PLGRKT: variants seen among roughly 807,000 people sequenced by gnomAD.
PLGRKT encodes the protein plasminogen receptor (KT).
PLGRKT carries 22 observed loss-of-function variants against 18.5 expected under a neutral mutation model. The ratio of observed to expected loss-of-function variants is 1.19; its 90% CI spans 0.85 to 1.70. PLGRKT has a LOEUF of 1.70. Among genes scored for constraint, PLGRKT ranks in the 40% most tolerant of loss-of-function variants. The pLI, the probability that PLGRKT is intolerant of heterozygous loss-of-function variation, is 0.00. For missense variants in PLGRKT, 235 were observed against 174.4 expected (o/e 1.35, Z -1.96); for synonymous variants, 72 against 52.8 (o/e 1.36, Z -1.58).
intron 3 of PLGRKT, among the ~76,000 whole-genome samples, chr9:5,385,933 A>C (rs1325591400): frequency 1.3e-5 from 2 of 151,876 alleles, no homozygotes; most frequent in African/African-American, 4.9e-5. Flanking sequence ...GTAAAAGCAC[A>C]GTTATGGGTC....
intron 2 of PLGRKT, among the ~76,000 whole-genome samples, chr9:5,434,828 G>A (rs972934996): frequency 4.6e-5 from 7 of 152,174 alleles, no homozygotes; most frequent in African/African-American, 1.2e-4. Context: ...AAGAGACAGC[G>A]ACCATCGAGA....
Position 5,396,154 on chromosome 9 carries a change from A to G in PLGRKT, c.82-34266T>C, listed in dbSNP as rs530347655. On this transcript the variant is annotated intron_variant, in intron 3 of 5. Transcript: ENST00000223864. ...GGTGATCAGTCCGCCTCAGCCTCAC[A>G]AAGTGCTGGGATTACAGGCATGAAT... is the stretch of plus-strand genomic sequence containing the variant. Among the ~76,000 whole-genome samples the G allele has an allele frequency of 1.1e-4, 16 of 151,852 alleles. No individual in the cohort carries two copies. The East Asian group carries it at 3.1e-3, about 29-fold the overall frequency.
chr9:5,414,014 G>A (rs529976402), intron 3 of PLGRKT, among the ~76,000 whole-genome samples: 5 of 152,280 alleles, frequency 3.3e-5, no homozygotes, highest in African/African-American at 9.6e-5. Context: ...GCTATTAACT[G>A]TACCAAATCA....
intron 3 of PLGRKT, among the ~76,000 whole-genome samples, chr9:5,367,716 C>T (rs1159918476): frequency 4.6e-5 from 7 of 152,036 alleles, no homozygotes; most frequent in East Asian, 1.9e-4. Flanking sequence ...AAAGCAATGA[C>T]AACAAAAACA....
intron 3 of PLGRKT, among the ~76,000 whole-genome samples, chr9:5,416,962 A>G (rs1208785961): frequency 6.6e-6 from 1 of 152,262 alleles, no homozygotes; most frequent in East Asian, 1.9e-4. Flanking sequence ...CTGCAGACAT[A>G]TTAATATCTG....
upstream of PLGRKT, among the ~76,000 whole-genome samples, chr9:5,438,163 G>C (rs891797765): frequency 6.6e-6 from 1 of 152,178 alleles, no homozygotes; most frequent in Non-Finnish European, 1.5e-5. Flanking sequence ...CTATTAAAAA[G>C]TCATAAAGAT....
At chr9:5,363,938 T>G (rs957822476) in intron 3 of PLGRKT, among the ~76,000 whole-genome samples, 1 of 152,214 alleles carries the variant, frequency 6.6e-6, no homozygotes, top group Non-Finnish European at 1.5e-5. Context: ...ACAAGATTAG[T>G]GTGTGAAATT....
intron 5 of PLGRKT, among the ~76,000 whole-genome samples, chr9:5,360,287 C>T (rs370543789): frequency 1.0e-3 from 157 of 152,274 alleles, no homozygotes; most frequent in African/African-American, 3.7e-3. Context: ...GCATTTTCTT[C>T]ATCAAGTTTT....
At chr9:5,371,571 C>A (rs754761979) in intron 3 of PLGRKT, among the ~76,000 whole-genome samples, 3 of 152,306 alleles carry the variant, frequency 2.0e-5, no homozygotes, top group African/African-American at 7.2e-5. Flanking sequence ...ACCTTCCCAG[C>A]CATGCGGAAC....
At chr9:5,386,288 G>C (rs945993901) in intron 3 of PLGRKT, among the ~76,000 whole-genome samples, 3 of 151,814 alleles carry the variant, frequency 2.0e-5, no homozygotes, top group Non-Finnish European at 2.9e-5. Context: ...CAGTGGTCAA[G>C]AACTTAAGTA....
At chr9:5,410,691 G>A (rs1193782168) in intron 3 of PLGRKT, among the ~76,000 whole-genome samples, 1 of 152,008 alleles carries the variant, frequency 6.6e-6, no homozygotes, top group Non-Finnish European at 1.5e-5. Flanking sequence ...TAACACTATT[G>A]TCTGTTGCAT....
chr9:5,370,457 G>A (rs1817492127), intron 3 of PLGRKT, among the ~76,000 whole-genome samples: 1 of 152,094 alleles, frequency 6.6e-6, no homozygotes, highest in Non-Finnish European at 1.5e-5. Context: ...CATATTTACT[G>A]GAGCCTTCCC....
At chr9:5,410,055 A>G (rs945455210) in intron 3 of PLGRKT, among the ~76,000 whole-genome samples, 1 of 152,234 alleles carries the variant, frequency 6.6e-6, no homozygotes, top group African/African-American at 2.4e-5. Flanking sequence ...TAATAAAATA[A>G]TATTTTGACT....
chr9:5,370,305 T>C (rs1361077246), intron 3 of PLGRKT, among the ~76,000 whole-genome samples: 1 of 152,182 alleles, frequency 6.6e-6, no homozygotes, highest in African/African-American at 2.4e-5. Flanking sequence ...GAGGCAATTA[T>C]GTAAAGGTCC....
intron 3 of PLGRKT, among the ~76,000 whole-genome samples, chr9:5,385,977 T>C (rs1314779792): frequency 6.6e-6 from 1 of 151,834 alleles, no homozygotes; most frequent in Non-Finnish European, 1.5e-5. Context: ...TGGATTTGGA[T>C]TCCTTATGTC....
At chr9:5,419,173 T>G (rs1368622528) in intron 3 of PLGRKT, among the ~76,000 whole-genome samples, 1 of 152,154 alleles carries the variant, frequency 6.6e-6, no homozygotes, top group Non-Finnish European at 1.5e-5. Context: ...CACATCTTCT[T>G]TCAAAACACC....
intron 3 of PLGRKT, among the ~76,000 whole-genome samples, chr9:5,391,827 T>C (rs776487734): frequency 2.0e-5 from 3 of 151,892 alleles, no homozygotes; most frequent in Non-Finnish European, 2.9e-5. Context: ...TCTGTAGGAA[T>C]TAGGGGAAGG....
At chr9:5,434,745 G>A (rs1241873973) in intron 2 of PLGRKT, among the ~76,000 whole-genome samples, 7 of 150,328 alleles carry the variant, frequency 4.7e-5, no homozygotes, top group Non-Finnish European at 8.9e-5. Context: ...GCCTCTGCCC[G>A]GCCGCCCTGT....
chr9:5,436,800 C>T (rs1394665467), intron 1 of PLGRKT, 106 bp from the exon 2 acceptor site: 2 of 152,186 alleles, frequency 1.3e-5, no homozygotes, highest in African/African-American at 4.8e-5. Flanking sequence ...AAGTCATTTC[C>T]CAAAGTCTGG....
Sources: allele counts gnomAD v4.1 joint callset (sites outside exome capture counted in the v4.1 genomes callset), GRCh38; gene constraint gnomAD v4.1.1; transcripts MANE v1.5; gene names NCBI Gene and HGNC (gene_info 2026-07-23, HGNC 2026-07-21).